The following CDH22 variants were observed in gnomAD, a reference collection of about 807,000 sequenced individuals.
CDH22 encodes the protein cadherin 22.
A neutral mutation model predicts 58.4 loss-of-function variants in CDH22; 30 were observed. The ratio of observed to expected loss-of-function variants is 0.51; its 90% CI spans 0.38 to 0.70. The LOEUF is 0.70. CDH22 is among the 30% of genes least tolerant of loss of function. CDH22 has a pLI of 0.00. For missense variants in CDH22, 1,014 were observed against 1,233.9 expected (o/e 0.82, Z 2.67); for synonymous variants, 513 against 558.2 (o/e 0.92, Z 1.14).
chr20:46,240,556 C>T (rs2086281966), intron 3 of CDH22, among the ~76,000 whole-genome samples: 1 of 152,120 alleles, frequency 6.6e-6, no homozygotes, highest in Non-Finnish European at 1.5e-5. Flanking sequence ...TCCAGCTGTG[C>T]CTGTGTAGGG....
intron 1 of CDH22, among the ~76,000 whole-genome samples, chr20:46,306,409 G>T (rs1454468638): frequency 6.6e-6 from 1 of 152,260 alleles, no homozygotes; most frequent in Non-Finnish European, 1.5e-5. Context: ...TAGGGAAAGG[G>T]GTTGTCTCCA....
rs117289800 is a variant in CDH22 at position 46,270,521 on chromosome 20, G to A, written c.-399-18828C>T. ...TCGGGCTGGAACAAGAAAGGGGGGC[G>A]AGACTGGCACCTTGTTCAAGCCTGA... On this transcript the variant is annotated intron_variant, in intron 1 of 11. Coordinates refer to ENST00000537909, the MANE Select transcript of CDH22 (RefSeq NM_021248.3). Among the ~76,000 whole-genome samples, 276 of 152,302 alleles carry A rather than the reference G, an allele frequency of 1.8e-3. 3 individuals carry two copies. In the East Asian group the frequency reaches 0.051, roughly 28 times the overall value.
intron 3 of CDH22, among the ~76,000 whole-genome samples, chr20:46,233,392 C>G (rs1276659006): frequency 6.6e-6 from 1 of 152,222 alleles, no homozygotes; most frequent in African/African-American, 2.4e-5. Flanking sequence ...CTTCTGTCCT[C>G]TCAACATTTA....
chr20:46,175,326 G>A (rs1288164976), intron 11 of CDH22, among the ~76,000 whole-genome samples: 1 of 152,184 alleles, frequency 6.6e-6, no homozygotes, highest in Non-Finnish European at 1.5e-5. Flanking sequence ...TGGGGTGGAG[G>A]TGGCCAATGG....
intron 1 of CDH22, among the ~76,000 whole-genome samples, chr20:46,306,908 C>G (rs898259902): frequency 2.6e-5 from 4 of 152,082 alleles, no homozygotes; most frequent in South Asian, 2.1e-4. Flanking sequence ...TAGGGAGGAG[C>G]CTTTGGGCCC....
intron 1 of CDH22, among the ~76,000 whole-genome samples, chr20:46,277,614 A>T (rs1284247806): frequency 3.3e-5 from 5 of 152,086 alleles, no homozygotes; most frequent in Non-Finnish European, 5.9e-5. Flanking sequence ...GAGGAATAGC[A>T]GAAGAGAGTG....
chr20:46,278,132 G>A (rs2086529868), intron 1 of CDH22, among the ~76,000 whole-genome samples: 1 of 152,188 alleles, frequency 6.6e-6, no homozygotes. Flanking sequence ...CAGGGAGCTG[G>A]GAACAGAACC....
chr20:46,231,103 A>G (rs928199083), intron 3 of CDH22, among the ~76,000 whole-genome samples: 1 of 152,132 alleles, frequency 6.6e-6, no homozygotes, highest in Non-Finnish European at 1.5e-5. Flanking sequence ...AGACTTCCAG[A>G]AGTAGAGCTG....
chr20:46,227,696 C>G, intron 3 of CDH22, 69 bp from the exon 4 acceptor site: 1 of 1,537,876 alleles, frequency 6.5e-7, no homozygotes, highest in Non-Finnish European at 8.8e-7. Context: ...CACTTCGCCT[C>G]ACCCCAGGGA....
At chr20:46,237,524 AG>A (rs1370298455) in intron 3 of CDH22, among the ~76,000 whole-genome samples, 11 of 152,190 alleles carry the variant, frequency 7.2e-5, no homozygotes, top group African/African-American at 2.7e-4. Context: ...AGTCTCTGCA[AG>A]CACCATGGTG....
chr20:46,205,480 T>C (rs1293664396), intron 7 of CDH22, among the ~76,000 whole-genome samples: 1 of 152,196 alleles, frequency 6.6e-6, no homozygotes, highest in Non-Finnish European at 1.5e-5. Flanking sequence ...AGGTCTCCTC[T>C]GATTTCAAAG....
At chr20:46,302,039 T>C (rs368687253) in intron 1 of CDH22, among the ~76,000 whole-genome samples, 56 of 152,342 alleles carry the variant, frequency 3.7e-4, no homozygotes, top group African/African-American at 1.3e-3. Flanking sequence ...GCAACCCTGG[T>C]CAGAGTTGGG....
intron 1 of CDH22, among the ~76,000 whole-genome samples, chr20:46,302,873 T>G (rs1042898087): frequency 1.3e-5 from 2 of 152,118 alleles, no homozygotes; most frequent in Non-Finnish European, 2.9e-5. Context: ...GGGAACTCCT[T>G]CTCTCCCCCA....
chr20:46,241,375 T>A lies in CDH22; in HGVS notation c.256-118A>T, dbSNP rs1456452689. ...CCATCTCTTCTCCAGCACATACACATCTTTAGTGAGGACACTGAGGCCCAG... is the reference window on the plus strand; with the variant it reads ...CCATCTCTTCTCCAGCACATACACAACTTTAGTGAGGACACTGAGGCCCAG... On this transcript the variant is annotated intron_variant, in intron 2 of 11. Transcript: ENST00000537909. This position sits in a 1 kb window ranked among gnomAD's most constrained non-coding sequence, Gnocchi z 5.2. 4 of 868,856 alleles carry A rather than the reference T, an allele frequency of 4.6e-6. No individual in the cohort carries two copies. Among genetic ancestry groups the A allele is most frequent in the Middle Eastern group, 2.4e-4 (1 of 4,104 alleles). 53.8% of individuals were successfully genotyped at this position (868,856 alleles called of 1,614,324 possible).
intron 3 of CDH22, among the ~76,000 whole-genome samples, chr20:46,239,249 GAATA>G (rs1357135545): frequency 6.6e-6 from 1 of 152,234 alleles, no homozygotes; most frequent in Non-Finnish European, 1.5e-5. Flanking sequence ...TTGAATGAAT[GAATA>G]TACTCATATA....
chr20:46,303,769 C>T (rs1024650327), intron 1 of CDH22, among the ~76,000 whole-genome samples: 11 of 152,096 alleles, frequency 7.2e-5, no homozygotes, highest in Non-Finnish European at 1.6e-4. Context: ...AGACGGATTA[C>T]AAGGACCTTG....
chr20:46,186,509 G>A (rs891666515), intron 10 of CDH22, 79 bp downstream of exon 10: 74 of 1,055,608 alleles, frequency 7.0e-5, no homozygotes, highest in South Asian at 1.0e-4. Context: ...GGGCGCCTCC[G>A]TCCCTCTGTC....
At chr20:46,299,534 C>T (rs905246959) in intron 1 of CDH22, among the ~76,000 whole-genome samples, 3 of 152,132 alleles carry the variant, frequency 2.0e-5, no homozygotes, top group South Asian at 2.1e-4. Context: ...CACGCAGGTG[C>T]GTACAAACAT....
intron 1 of CDH22, among the ~76,000 whole-genome samples, chr20:46,276,644 G>C (rs1600724477): frequency 6.6e-6 from 1 of 152,208 alleles, no homozygotes; most frequent in Non-Finnish European, 1.5e-5. Flanking sequence ...TACAGATGAG[G>C]CTCCACAAAC....
Sources: allele counts gnomAD v4.1 joint callset (sites outside exome capture counted in the v4.1 genomes callset), GRCh38; gene constraint gnomAD v4.1.1; non-coding constraint Gnocchi (gnomAD v3.1); transcripts MANE v1.5; gene names NCBI Gene and HGNC (gene_info 2026-07-23, HGNC 2026-07-21).